Variants in KCNQ5 observed in about 807,000 individuals in gnomAD.
The protein encoded by KCNQ5 is potassium voltage-gated channel subfamily Q member 5.
In KCNQ5, 30 loss-of-function variants were observed where a neutral mutation model predicts 98.2. That is an observed-to-expected ratio of 0.31 (90% confidence interval 0.23 to 0.41). The LOEUF (loss-of-function observed/expected upper bound fraction) is 0.41. KCNQ5 is among the 10% of genes least tolerant of loss of function. KCNQ5 has a pLI of 1.00. For synonymous variants in KCNQ5, 458 were observed against 449.4 expected (o/e 1.02, Z -0.24); for missense variants, 835 against 1,182.5 (o/e 0.71, Z 4.31).
chr6:72,656,620 T>C (rs1407651289), intron 1 of KCNQ5, among the ~76,000 whole-genome samples: 2 of 152,218 alleles, frequency 1.3e-5, no homozygotes, highest in African/African-American at 2.4e-5. Flanking sequence ...CTGATTATTC[T>C]TAGTCTTGCT....
chr6:72,658,443 G>A (rs917410347), intron 1 of KCNQ5, among the ~76,000 whole-genome samples: 1 of 149,390 alleles, frequency 6.7e-6, no homozygotes, highest in Admixed American at 6.7e-5. Flanking sequence ...ACCATGCCCA[G>A]CTAATTTTTA....
At chr6:72,771,895 C>T (rs1772910448) in intron 1 of KCNQ5, among the ~76,000 whole-genome samples, 1 of 151,878 alleles carries the variant, frequency 6.6e-6, no homozygotes, top group South Asian at 2.1e-4. Context: ...GGGTTATTTA[C>T]GTATAGGGAA....
intron 11 of KCNQ5, 36 bp downstream of exon 11, chr6:73,169,890 A>G: frequency 1.6e-6 from 2 of 1,285,808 alleles, no homozygotes; most frequent in South Asian, 2.4e-5. Context: ...ATTCAGAGAC[A>G]TACTTATGAT....
At chr6:72,701,757 G>A (rs777106869) in intron 1 of KCNQ5, among the ~76,000 whole-genome samples, 37 of 152,008 alleles carry the variant, frequency 2.4e-4, no homozygotes, top group Non-Finnish European at 4.6e-4. Flanking sequence ...CTCTGTCACC[G>A]AGGCTGGAGT....
chr6:73,000,936 C>A (rs1471333566), intron 1 of KCNQ5, among the ~76,000 whole-genome samples: 2 of 152,222 alleles, frequency 1.3e-5, no homozygotes, highest in African/African-American at 4.8e-5. Flanking sequence ...TAGCTCCAGA[C>A]TCCCAATTCA....
chr6:72,890,045 A>G (rs1245462615), intron 1 of KCNQ5, among the ~76,000 whole-genome samples: 1 of 151,782 alleles, frequency 6.6e-6, no homozygotes, highest in Admixed American at 6.6e-5. Context: ...GCGAGCAGTC[A>G]CAGTGCCCTC....
chr6:73,035,849 AC>A (rs1467492595), intron 2 of KCNQ5, among the ~76,000 whole-genome samples: 14 of 152,186 alleles, frequency 9.2e-5, no homozygotes, highest in Non-Finnish European at 5.9e-5. Context: ...TAGTAGACAT[AC>A]CCTGTGTATA....
At chr6:73,008,058 T>G (rs949489053) in intron 2 of KCNQ5, among the ~76,000 whole-genome samples, 2 of 152,216 alleles carry the variant, frequency 1.3e-5, no homozygotes, top group East Asian at 3.9e-4. Context: ...AACTTTAGGA[T>G]GTTAATTTAA....
chr6:73,012,414 T>C (rs1770106242), intron 2 of KCNQ5, among the ~76,000 whole-genome samples: 1 of 152,006 alleles, frequency 6.6e-6, no homozygotes, highest in Non-Finnish European at 1.5e-5. Context: ...ATACCTAGAA[T>C]AGTCAAAAAA....
intron 1 of KCNQ5, among the ~76,000 whole-genome samples, chr6:72,704,647 A>AG (rs879580209): frequency 2.6e-5 from 4 of 151,970 alleles, no homozygotes; most frequent in East Asian, 3.9e-4. Flanking sequence ...TAAAAAAAAA[A>AG]GTTACTTCCA....
chr6:72,830,248 G>A (rs569846284), intron 1 of KCNQ5, among the ~76,000 whole-genome samples: 19 of 152,054 alleles, frequency 1.2e-4, no homozygotes, highest in African/African-American at 4.6e-4. Flanking sequence ...AAGTTCATAT[G>A]GAACCAAAAA....
chr6:72,670,815 C>T (rs1767065541), intron 1 of KCNQ5, among the ~76,000 whole-genome samples: 1 of 152,110 alleles, frequency 6.6e-6, no homozygotes. Flanking sequence ...TCTTGTTTAA[C>T]CTTACTTACC....
At chr6:73,089,455 G>A (rs2150403104) in intron 5 of KCNQ5, among the ~76,000 whole-genome samples, 1 of 152,168 alleles carries the variant, frequency 6.6e-6, no homozygotes. Flanking sequence ...GTGGTTTTTG[G>A]TTACATAAGT....
At chr6:72,682,476 T>C (rs1184763768) in intron 1 of KCNQ5, among the ~76,000 whole-genome samples, 4 of 152,140 alleles carry the variant, frequency 2.6e-5, no homozygotes, top group Non-Finnish European at 5.9e-5. Context: ...CACACTTATG[T>C]CTTCCTTGCT....
intron 3 of KCNQ5, among the ~76,000 whole-genome samples, chr6:73,051,508 C>T (rs1772233438): frequency 6.6e-6 from 1 of 152,094 alleles, no homozygotes. Flanking sequence ...TTAGCGCCTC[C>T]ACTTTAGCAG....
intron 2 of KCNQ5, among the ~76,000 whole-genome samples, chr6:73,015,576 C>T (rs994431574): frequency 2.0e-5 from 3 of 152,012 alleles, no homozygotes; most frequent in African/African-American, 7.3e-5. Context: ...GCTATGCTAC[C>T]AAACTCTGTA....
chr6:72,801,800 G>T (rs1774674792), intron 1 of KCNQ5, among the ~76,000 whole-genome samples: 1 of 151,932 alleles, frequency 6.6e-6, no homozygotes, highest in Non-Finnish European at 1.5e-5. Flanking sequence ...CTTCCTTCAG[G>T]AGCTCTTTTA....
chr6:73,018,994 A>T (rs551584231), intron 2 of KCNQ5, among the ~76,000 whole-genome samples: 2 of 152,296 alleles, frequency 1.3e-5, no homozygotes, highest in South Asian at 4.1e-4. Flanking sequence ...GAAGACACAA[A>T]CATAGATGAT....
intron 1 of KCNQ5, among the ~76,000 whole-genome samples, chr6:72,778,221 A>G (rs572183006): frequency 9.2e-5 from 14 of 152,220 alleles, no homozygotes; most frequent in Admixed American, 2.6e-4. Context: ...GCATAATATG[A>G]TGACTACAGT....
Sources: allele counts gnomAD v4.1 joint callset (sites outside exome capture counted in the v4.1 genomes callset), GRCh38; gene constraint gnomAD v4.1.1; transcripts MANE v1.5; gene names NCBI Gene and HGNC (gene_info 2026-07-23, HGNC 2026-07-21).